The following RFPL1 variants were observed in gnomAD, a reference collection of about 807,000 sequenced individuals.
RFPL1 encodes the protein ret finger protein-like 1.
In RFPL1, 6 loss-of-function variants were observed where a neutral mutation model predicts 9.6. That is an observed-to-expected ratio of 0.62 (90% CI 0.34 to 1.23). The LOEUF (loss-of-function observed/expected upper bound fraction) is 1.23, where lower values mean the gene tolerates loss of function less well. Among genes scored for constraint, RFPL1 ranks in the 50% most tolerant of loss-of-function variants. The pLI is 0.03. For synonymous variants in RFPL1, 145 were observed against 149.4 expected (o/e 0.97, Z 0.22); for missense variants, 352 against 398.4 (o/e 0.88, Z 0.99).
chr22:29,430,919 T>A, the RFPL1 span, among the ~76,000 whole-genome samples: 1 of 152,304 alleles, frequency 6.6e-6, no homozygotes, highest in East Asian at 1.9e-4. Flanking sequence ...GAGATGGCAA[T>A]ATTAGTCTGT....
the RFPL1 span, among the ~76,000 whole-genome samples, chr22:29,428,238 A>G: frequency 6.6e-6 from 1 of 152,250 alleles, no homozygotes; most frequent in African/African-American, 2.4e-5. Flanking sequence ...CAAAATAGAC[A>G]TTAAGTCAAA....
the RFPL1 span, among the ~76,000 whole-genome samples, chr22:29,389,927 T>C: frequency 6.6e-6 from 1 of 151,976 alleles, no homozygotes; most frequent in East Asian, 2.0e-4. Context: ...GCCTCCCAAG[T>C]AATTGGGATT....
the RFPL1 span, among the ~76,000 whole-genome samples, chr22:29,410,370 ATC>A: frequency 4.3e-5 from 3 of 69,110 alleles, no homozygotes; most frequent in Non-Finnish European, 8.3e-5. Flanking sequence ...AGATATATAT[ATC>A]TATATATATA....
At chr22:29,394,857 C>T in the RFPL1 span, among the ~76,000 whole-genome samples, 1 of 152,182 alleles carries the variant, frequency 6.6e-6, no homozygotes, top group Non-Finnish European at 1.5e-5. Context: ...ATGGGCCTAG[C>T]GGAGAGTCAA....
chr22:29,432,534 C>T, the RFPL1 span, among the ~76,000 whole-genome samples: 2 of 152,162 alleles, frequency 1.3e-5, no homozygotes, highest in Non-Finnish European at 2.9e-5. Flanking sequence ...CGAGCGTTAG[C>T]GTCTCTCGGT....
chr22:29,441,544 G>T (rs2062838779), exon 2 of RFPL1: 1 of 1,612,154 alleles, frequency 6.2e-7, no homozygotes, highest in Non-Finnish European at 8.5e-7. Context: ...TTTCACAGTG[G>T]ATATGACCTT....
chr22:29,390,349 T>A, the RFPL1 span, among the ~76,000 whole-genome samples: 1 of 152,146 alleles, frequency 6.6e-6, no homozygotes. Context: ...TACTGGTTTT[T>A]ATATTTAATA....
At chr22:29,420,643 T>G in the RFPL1 span, among the ~76,000 whole-genome samples, 2 of 134,196 alleles carry the variant, frequency 1.5e-5, no homozygotes, top group African/African-American at 5.6e-5. Flanking sequence ...GCTTTTTTTT[T>G]TTTTTTTTTT....
At chr22:29,428,661 T>C in the RFPL1 span, among the ~76,000 whole-genome samples, 1 of 152,032 alleles carries the variant, frequency 6.6e-6, no homozygotes, top group Non-Finnish European at 1.5e-5. Flanking sequence ...CAGACCACAA[T>C]GAAATATAAC....
chr22:29,391,798 G>A, the RFPL1 span, among the ~76,000 whole-genome samples: 10 of 152,330 alleles, frequency 6.6e-5, no homozygotes, highest in African/African-American at 2.4e-4. Context: ...GTGCAAGGGA[G>A]CCAGGTGTCT....
chr22:29,415,688 G>GT, the RFPL1 span, among the ~76,000 whole-genome samples: 43 of 152,280 alleles, frequency 2.8e-4, no homozygotes, highest in Non-Finnish European at 5.0e-4. Context: ...GCAGACTTGC[G>GT]TCTCAAGAAC....
the RFPL1 span, among the ~76,000 whole-genome samples, chr22:29,416,069 C>G: frequency 3.9e-5 from 6 of 152,204 alleles, no homozygotes; most frequent in Non-Finnish European, 8.8e-5. Flanking sequence ...TACCACAACC[C>G]TATAATGTAG....
At chr22:29,392,308 G>A in the RFPL1 span, among the ~76,000 whole-genome samples, 1 of 145,782 alleles carries the variant, frequency 6.9e-6, no homozygotes, top group South Asian at 2.2e-4. Context: ...TTGAACTCCT[G>A]ACTTCAGGTG....
At chr22:29,426,746 CA>C in the RFPL1 span, among the ~76,000 whole-genome samples, 101 of 144,538 alleles carry the variant, frequency 7.0e-4, no homozygotes, top group East Asian at 8.0e-4. Flanking sequence ...GACTCTGTAT[CA>C]AAAAAAAAAA....
At chr22:29,388,351 A>G in the RFPL1 span, 2 of 152,448 alleles carry the variant, frequency 1.3e-5, no homozygotes, top group Non-Finnish European at 2.9e-5. Context: ...TGACCCCGCA[A>G]ACCCCTCACC....
chr22:29,422,018 C>T, the RFPL1 span, among the ~76,000 whole-genome samples: 1 of 152,160 alleles, frequency 6.6e-6, no homozygotes, highest in Non-Finnish European at 1.5e-5. Context: ...GGTCGGCAGG[C>T]ATGTGTCAGT....
chr22:29,422,535 G>T, the RFPL1 span, among the ~76,000 whole-genome samples: 1 of 152,118 alleles, frequency 6.6e-6, no homozygotes, highest in Non-Finnish European at 1.5e-5. Context: ...CAATATTGGT[G>T]CCATTGTACT....
chr22:29,395,149 T>A, the RFPL1 span, among the ~76,000 whole-genome samples: 2 of 152,022 alleles, frequency 1.3e-5, no homozygotes, highest in African/African-American at 4.8e-5. Flanking sequence ...CCCACTAGAG[T>A]GCGCACAGGT....
the RFPL1 span, among the ~76,000 whole-genome samples, chr22:29,412,245 G>A: frequency 1.3e-5 from 2 of 152,168 alleles, no homozygotes; most frequent in Non-Finnish European, 2.9e-5. Context: ...TCCTGGGTCT[G>A]GGACAGATAA....
Sources: allele counts gnomAD v4.1 joint callset (sites outside exome capture counted in the v4.1 genomes callset), GRCh38; gene constraint gnomAD v4.1.1; transcripts MANE v1.5; gene names NCBI Gene and HGNC (gene_info 2026-07-23, HGNC 2026-07-21).